VRK3: variants seen among roughly 807,000 people sequenced by gnomAD.
The protein encoded by VRK3 is VRK serine/threonine kinase 3.
A neutral mutation model predicts 60.4 loss-of-function variants in VRK3; 50 were observed. The ratio of observed to expected loss-of-function variants is 0.83; its 90% CI spans 0.66 to 1.05. The LOEUF (loss-of-function observed/expected upper bound fraction) is 1.05. VRK3 is among the 50% of genes least tolerant of loss of function. VRK3 has a pLI of 0.00. For missense variants in VRK3, 549 were observed against 585.3 expected (o/e 0.94, Z 0.64); for synonymous variants, 246 against 227.8 (o/e 1.08, Z -0.72).
chr19:49,996,736 C>A (rs2076710993), intron 7 of VRK3, among the ~76,000 whole-genome samples: 1 of 152,136 alleles, frequency 6.6e-6, no homozygotes, highest in Non-Finnish European at 1.5e-5. Context: ...CCCACCTCAG[C>A]CTCCCATGTA....
chr19:50,009,344 T>C lies in VRK3; in HGVS notation c.181A>G (p.Lys61Glu), dbSNP rs538043288. The change falls in exon 4 of 15, where the codon AAG becomes GAG. Residue 61 changes from lysine to glutamate, a missense_variant. Transcript: ENST00000316763. ...GLNSSFETSP[K>E]KVKWSSTVTS... is the part of the protein sequence containing the mutation. ...ACGGTGCTGGACCATTTCACTTTCT[T>C]AGGAGAGGTTTCAAAACTGGAGTTC... 3.5e-5 allele frequency: 56 copies of C among 1,613,988 alleles called. 1 individual carries two copies. The South Asian group carries it at 4.9e-4, about 14-fold the overall frequency.
chr19:50,010,855 G>C (rs907105923), intron 3 of VRK3, among the ~76,000 whole-genome samples: 4 of 152,214 alleles, frequency 2.6e-5, no homozygotes, highest in African/African-American at 9.7e-5. Flanking sequence ...GGAGGTTGCA[G>C]TGAGCCAAGA....
At chr19:49,984,179 G>T (rs562475863) in intron 12 of VRK3, among the ~76,000 whole-genome samples, 4 of 152,228 alleles carry the variant, frequency 2.6e-5, no homozygotes, top group African/African-American at 9.6e-5. Flanking sequence ...TCAACCGAGG[G>T]GAGCCTTGGA....
intron 3 of VRK3, among the ~76,000 whole-genome samples, chr19:50,011,628 C>T (rs1345706359): frequency 2.0e-5 from 3 of 151,508 alleles, no homozygotes; most frequent in African/African-American, 7.2e-5. Flanking sequence ...TGTCTTCCCC[C>T]AGGCAGAAAT....
At chr19:50,020,108 T>C (rs28601875) in intron 2 of VRK3, among the ~76,000 whole-genome samples, 8,015 of 151,704 alleles carry the variant, frequency 0.053, 691 homozygotes, top group African/African-American at 0.18. Flanking sequence ...TGGTGCAATC[T>C]CAGCTCACTG....
chr19:50,016,248 G>T, intron 2 of VRK3, 85 bp from the exon 3 acceptor site: 1 of 1,562,966 alleles, frequency 6.4e-7, no homozygotes, highest in East Asian at 2.3e-5. Context: ...TTAATCACAG[G>T]GTGAGTGGCA....
intron 5 of VRK3, 136 bp from the exon 6 acceptor site, chr19:50,000,990 G>T (rs180780678): frequency 1.3e-4 from 92 of 709,924 alleles, no homozygotes; most frequent in Non-Finnish European, 2.0e-4. Context: ...TGGCTCTCAC[G>T]ACTTGCTGCT....
intron 5 of VRK3, among the ~76,000 whole-genome samples, chr19:50,004,242 CTG>C (rs1473758307): frequency 6.6e-6 from 1 of 152,174 alleles, no homozygotes; most frequent in African/African-American, 2.4e-5. Flanking sequence ...GCTCCTGGCT[CTG>C]TGTGTTTTCC....
intron 2 of VRK3, 148 bp from the exon 3 acceptor site, chr19:50,016,311 G>C: frequency 9.5e-7 from 1 of 1,052,918 alleles, no homozygotes; most frequent in Non-Finnish European, 1.4e-6. Context: ...CTTAAAACAT[G>C]CAATGGGAAT....
chr19:49,984,284 C>T (rs1040396266), intron 12 of VRK3, among the ~76,000 whole-genome samples: 3 of 152,194 alleles, frequency 2.0e-5, no homozygotes, highest in African/African-American at 7.2e-5. Context: ...GAACCTGGCA[C>T]TGAATGCGTA....
chr19:50,023,884 G>A (rs991637363), intron 1 of VRK3, among the ~76,000 whole-genome samples: 1 of 152,204 alleles, frequency 6.6e-6, no homozygotes, highest in Admixed American at 6.5e-5. Flanking sequence ...ATCAGTACAG[G>A]GGTTAAGAGG....
chr19:50,000,367 A>C, intron 6 of VRK3: 1 of 197,768 alleles, frequency 5.1e-6, no homozygotes, highest in Non-Finnish European at 1.0e-5. Context: ...AATCCTCAGC[A>C]CAGGGACCCC....
chr19:50,015,378 G>A (rs989585996), intron 3 of VRK3, among the ~76,000 whole-genome samples: 6 of 151,780 alleles, frequency 4.0e-5, no homozygotes, highest in Admixed American at 6.6e-5. Context: ...GTGCAATCTC[G>A]GCTCACTGCG....
At chr19:50,004,442 CTCCCTTTCTT>C (rs1456993323) in intron 5 of VRK3, among the ~76,000 whole-genome samples, 1 of 152,226 alleles carries the variant, frequency 6.6e-6, no homozygotes, top group Non-Finnish European at 1.5e-5. Context: ...TCTCCTTTCT[CTCCCTTTCTT>C]GGGAGAAGCC....
At chr19:49,982,331 G>GT in intron 12 of VRK3, 1 of 649,828 alleles carries the variant, frequency 1.5e-6, no homozygotes. Flanking sequence ...CTAGGTGGCT[G>GT]TTTGATTTTT....
intron 3 of VRK3, among the ~76,000 whole-genome samples, chr19:50,011,608 T>G (rs2076996207): frequency 6.6e-6 from 1 of 151,490 alleles, no homozygotes; most frequent in Non-Finnish European, 1.5e-5. Context: ...CTCCCTCCCA[T>G]GGTCCTGCCT....
At chr19:50,009,138 T>C in intron 4 of VRK3, 98 bp downstream of exon 4, 9 of 1,391,502 alleles carry the variant, frequency 6.5e-6, no homozygotes, top group Non-Finnish European at 7.9e-6. Context: ...GGATGGATGA[T>C]GTTTGAGCCG....
intron 10 of VRK3, among the ~76,000 whole-genome samples, chr19:49,990,770 C>T (rs569893910): frequency 1.2e-4 from 18 of 151,096 alleles, no homozygotes; most frequent in Non-Finnish European, 1.8e-4. Flanking sequence ...TTGTGGTGTT[C>T]ATTAAAAAAA....
intron 10 of VRK3, among the ~76,000 whole-genome samples, chr19:49,990,041 T>A (rs559834302): frequency 8.0e-4 from 122 of 152,106 alleles, no homozygotes; most frequent in Middle Eastern, 3.4e-3. Context: ...TTTTTTTTTT[T>A]AAATAACCAG....
Sources: allele counts gnomAD v4.1 joint callset (sites outside exome capture counted in the v4.1 genomes callset), GRCh38; gene constraint gnomAD v4.1.1; transcripts MANE v1.5; gene names NCBI Gene and HGNC (gene_info 2026-07-23, HGNC 2026-07-21).